PTPRN2: variants seen among roughly 807,000 people sequenced by gnomAD.
PTPRN2 encodes protein tyrosine phosphatase receptor type N2, also known as receptor-type tyrosine-protein phosphatase N2.
A neutral mutation model predicts 118.8 loss-of-function variants in PTPRN2; 74 were observed. The ratio of observed to expected loss-of-function variants is 0.62; its 90% CI spans 0.52 to 0.76. The LOEUF (loss-of-function observed/expected upper bound fraction) is 0.76. Among genes scored for constraint, PTPRN2 ranks in the 30% least tolerant of loss-of-function variants. The pLI, the probability that PTPRN2 is intolerant of heterozygous loss-of-function variation, is 0.00. For synonymous variants in PTPRN2, 641 were observed against 608.0 expected, an observed-to-expected ratio of 1.05 and a Z score of -0.80; for missense variants, 1,481 against 1,394.4, an observed-to-expected ratio of 1.06 and a Z score of -0.99.
intron 1 of PTPRN2, among the ~76,000 whole-genome samples, chr7:158,498,804 C>T (rs1822142563): frequency 1.3e-5 from 2 of 152,204 alleles, no homozygotes; most frequent in Admixed American, 1.3e-4. Context: ...CAGAGAACTT[C>T]AACCGGTAAC....
At position 157,735,347 on chromosome 7, in the gene PTPRN2, G is replaced by A. The variant is rs1243458407; in HGVS notation, c.1789-52410C>T. 3.9e-5 allele frequency among the ~76,000 whole-genome samples: 6 copies of A among 152,352 alleles called. No individual in the cohort carries two copies. The East Asian group carries it at 1.2e-3, about 29-fold the overall frequency. On this transcript the variant is annotated intron_variant, in intron 12 of 22. Transcript: ENST00000389418. ...ACTATGCCTGTGGACCCAGCTGGGTGCAGCCATCTCTGACTGTATGGTGTC... is the reference window on the plus strand; with the variant it reads ...ACTATGCCTGTGGACCCAGCTGGGTACAGCCATCTCTGACTGTATGGTGTC...
chr7:157,898,796 C>A, intron 11 of PTPRN2, 59 bp from the exon 12 acceptor site: 4 of 1,415,882 alleles, frequency 2.8e-6, no homozygotes, highest in Non-Finnish European at 4.0e-6. Context: ...AGTCTCCGGG[C>A]ACCTCTGAGT....
In PTPRN2 at chr7:157,619,650, C is replaced by T. The variant is rs563659922; in HGVS notation, c.2344+1712G>A. Reference sequence around the variant, plus strand: ...CAGACCTCATAGAAACTGGTCTGAACACTAAATGGGTAGCAAGAAGCGTGC... The same window carrying T: ...CAGACCTCATAGAAACTGGTCTGAATACTAAATGGGTAGCAAGAAGCGTGC... On this transcript the variant is annotated intron_variant, in intron 15 of 22. Coordinates refer to ENST00000389418, the MANE Select transcript of PTPRN2 (RefSeq NM_002847.5). The surrounding 1 kb of genome is among the most constrained non-coding windows in gnomAD (Gnocchi z 5.3). Among the ~76,000 whole-genome samples, 154 of 152,320 alleles carry T rather than the reference C, an allele frequency of 1.0e-3. No individual in the cohort carries two copies. Among genetic ancestry groups the T allele is most frequent in the African/African-American group, 1.6e-3 (68 of 41,566 alleles).
intron 11 of PTPRN2, among the ~76,000 whole-genome samples, chr7:158,075,650 T>C (rs945519682): frequency 2.0e-5 from 3 of 152,224 alleles, no homozygotes; most frequent in Admixed American, 2.0e-4. Flanking sequence ...TAGTTACTCC[T>C]CATCGTCTGT....
intron 15 of PTPRN2, among the ~76,000 whole-genome samples, chr7:157,608,674 TGAAGGGAA>T (rs1053536293): frequency 4.3e-4 from 66 of 152,256 alleles, no homozygotes; most frequent in African/African-American, 1.5e-3. Flanking sequence ...TTCTATGAAG[TGAAGGGAA>T]GCAGGTGGCC....
In PTPRN2 at chr7:158,084,101, A is replaced by G. The variant is rs568405695; in HGVS notation, c.1644-2724T>C. Among the ~76,000 whole-genome samples the G allele has an allele frequency of 4.6e-5, 7 of 152,224 alleles. No individual in the cohort carries two copies. The East Asian group carries it at 1.4e-3, about 30-fold the overall frequency. On this transcript the variant is annotated intron_variant, in intron 10 of 22. Transcript: ENST00000389418. ...GGTCCTCTTGGACTTGCTTTGGCCT[A>G]GGAGACCCTGGTTTTCAATAAACTC... is the stretch of plus-strand genomic sequence containing the variant.
At chr7:158,056,662 C>T (rs951723093) in intron 11 of PTPRN2, among the ~76,000 whole-genome samples, 1 of 152,192 alleles carries the variant, frequency 6.6e-6, no homozygotes, top group African/African-American at 2.4e-5. Context: ...CCTGCTGCTG[C>T]TTCTCCAGCG....
chr7:157,605,305 G>C (rs1319530126), intron 15 of PTPRN2, among the ~76,000 whole-genome samples: 1 of 152,254 alleles, frequency 6.6e-6, no homozygotes, highest in Non-Finnish European at 1.5e-5. Flanking sequence ...CACACTGCAA[G>C]CAGCTTCCAT....
At chr7:157,655,090 G>T (rs1016276377) in intron 14 of PTPRN2, among the ~76,000 whole-genome samples, 1 of 152,240 alleles carries the variant, frequency 6.6e-6, no homozygotes, top group South Asian at 2.1e-4. Context: ...GTCTGCTCCC[G>T]GGTGTGAACA....
chr7:157,887,100 TC>T (rs1383575442), intron 12 of PTPRN2, among the ~76,000 whole-genome samples: 1 of 150,564 alleles, frequency 6.6e-6, no homozygotes, highest in Non-Finnish European at 1.5e-5. Context: ...GCATTTGAGG[TC>T]CTCACCACAG....
rs570457429 is a variant in PTPRN2, at chr7:157,827,465, T to C, written c.1788+71208A>G. ...GCTCGATCAGAATGTCCCTGGGCAC[T>C]GTCTGGGGGCCTGAGAAAGCGTTCG... On this transcript the variant is annotated intron_variant, in intron 12 of 22. Transcript: ENST00000389418. Among the ~76,000 whole-genome samples, 38 of 152,262 alleles carry C rather than the reference T, an allele frequency of 2.5e-4. No homozygotes were observed. The South Asian group carries it at 4.2e-3, about 17-fold the overall frequency.
intron 11 of PTPRN2, among the ~76,000 whole-genome samples, chr7:157,983,870 G>A (rs1427627179): frequency 7.2e-5 from 11 of 152,162 alleles, no homozygotes; most frequent in Admixed American, 2.6e-4. Context: ...AGCCAACAGC[G>A]CTAGTGTCCT....
At chr7:157,799,039 T>C (rs577785117) in intron 12 of PTPRN2, among the ~76,000 whole-genome samples, 1 of 152,306 alleles carries the variant, frequency 6.6e-6, no homozygotes, top group South Asian at 2.1e-4. Context: ...ACTTCTAGAT[T>C]TGGCCCCTAA....
chr7:158,147,731 G>A (rs1385448520), intron 6 of PTPRN2, among the ~76,000 whole-genome samples: 2 of 133,454 alleles, frequency 1.5e-5, no homozygotes. Flanking sequence ...CCCATCTCAC[G>A]CCACGTGTCT....
At chr7:158,493,971 A>G (rs111532546) in intron 1 of PTPRN2, among the ~76,000 whole-genome samples, 251 of 152,334 alleles carry the variant, frequency 1.6e-3, no homozygotes, top group African/African-American at 5.9e-3. Context: ...CTGCTTCCCT[A>G]CTGTGTCCTC....
chr7:157,700,401 A>G (rs981993169), intron 12 of PTPRN2, among the ~76,000 whole-genome samples: 8 of 152,194 alleles, frequency 5.3e-5, no homozygotes, highest in African/African-American at 1.9e-4. Context: ...AGAGTCAGTT[A>G]CTTTTCCTCC....
chr7:158,206,122 C>T (rs1028400417), intron 3 of PTPRN2, among the ~76,000 whole-genome samples: 3 of 152,132 alleles, frequency 2.0e-5, no homozygotes, highest in African/African-American at 7.2e-5. Flanking sequence ...CTAGTGTCAC[C>T]CTTCCCTCAA....
At chr7:157,589,333 C>T (rs1221848919) in intron 17 of PTPRN2, among the ~76,000 whole-genome samples, 1 of 152,252 alleles carries the variant, frequency 6.6e-6, no homozygotes, top group Non-Finnish European at 1.5e-5. Context: ...CTTCCCCCAG[C>T]CCCCTTTCCT....
chr7:158,288,781 T>G (rs1358100069), intron 3 of PTPRN2, among the ~76,000 whole-genome samples: 1 of 152,236 alleles, frequency 6.6e-6, no homozygotes, highest in Non-Finnish European at 1.5e-5. Flanking sequence ...TCTATACTTT[T>G]GTATGTTTTC....
Sources: gnomAD v4.1 joint callset for allele counts (sites outside exome capture counted in the v4.1 genomes callset) on GRCh38, gnomAD v4.1.1 for gene constraint, Gnocchi (gnomAD v3.1) non-coding constraint, MANE v1.5 for transcripts, NCBI Gene and HGNC (gene_info 2026-07-23, HGNC 2026-07-21) for gene names.